Variants in MLLT10 observed in about 807,000 individuals in gnomAD.
The protein encoded by MLLT10 is MLLT10 histone lysine methyltransferase DOT1L cofactor, also known as protein AF-10.
MLLT10 carries 30 observed loss-of-function variants against 129.1 expected under a neutral mutation model. The observed-to-expected ratio is 0.23, with a 90% CI of 0.17 to 0.32. The LOEUF (loss-of-function observed/expected upper bound fraction) is 0.32. Ranked by LOEUF, MLLT10 falls within the 10% of genes least tolerant of loss-of-function variation. MLLT10 has a pLI of 1.00. For synonymous variants in MLLT10, 490 were observed against 446.4 expected (o/e 1.10, Z -1.23); for missense variants, 1,119 against 1,268.3 (o/e 0.88, Z 1.79).
chr10:21,629,119 G>A (rs1554824169), intron 8 of MLLT10, among the ~76,000 whole-genome samples: 1 of 150,982 alleles, frequency 6.6e-6, no homozygotes, highest in Admixed American at 6.6e-5. Flanking sequence ...TTTGCTGCAT[G>A]AATTTTTTCT....
At chr10:21,738,378 TTAA>T (rs1193579384) in intron 21 of MLLT10, 1 of 1,283,376 alleles carries the variant, frequency 7.8e-7, no homozygotes, top group Non-Finnish European at 1.0e-6. Flanking sequence ...TGTCTTCCTA[TTAA>T]TCAAGATTTT....
chr10:21,714,483 C>A (rs1015895928), intron 14 of MLLT10, among the ~76,000 whole-genome samples: 1 of 152,150 alleles, frequency 6.6e-6, no homozygotes, highest in African/African-American at 2.4e-5. Context: ...TTGTGTACCC[C>A]TTTTATCTGA....
In MLLT10 at chr10:21,673,544, A is replaced by G. The variant is rs780042541; in HGVS notation, c.1246A>G (p.Thr416Ala). The G allele has an allele frequency of 1.2e-6, 2 of 1,613,214 alleles. No individual in the cohort carries two copies. The highest frequency in any genetic ancestry group is 1.1e-5 in the South Asian group (1 of 90,922). ...SQEGGVNSFS[T>A]LIGLPSTSAV... ...GGAAGGGGGGGTAAATAGTTTTAGTACCTTAATTGGCCTCCCTTCAACCTC... is the reference window on the plus strand; with the variant it reads ...GGAAGGGGGGGTAAATAGTTTTAGTGCCTTAATTGGCCTCCCTTCAACCTC... Residue 416 changes from threonine (T) to alanine (A), a missense_variant, in exon 11 of 23, where the codon ACC becomes GCC. By Grantham distance (58) the Thr-to-Ala change is moderately conservative. Around this residue, in one of 5 missense-constraint regions of MLLT10, gnomAD observed 1,004 missense variants for 1,008.7 expected, o/e 1.00. Transcript: ENST00000307729.
At chr10:21,736,694 A>C (rs192528997) in intron 21 of MLLT10, among the ~76,000 whole-genome samples, 3 of 152,166 alleles carry the variant, frequency 2.0e-5, no homozygotes, top group Non-Finnish European at 4.4e-5. Flanking sequence ...ACAGAACCCA[A>C]CCAATTTTGG....
intron 21 of MLLT10, among the ~76,000 whole-genome samples, chr10:21,737,442 G>C (rs2058465803): frequency 6.6e-6 from 1 of 152,128 alleles, no homozygotes. Flanking sequence ...ACATTGCTGG[G>C]ATAGGAGAGA....
At chr10:21,596,612 A>G (rs1240056217) in intron 5 of MLLT10, among the ~76,000 whole-genome samples, 1 of 152,052 alleles carries the variant, frequency 6.6e-6, no homozygotes, top group Non-Finnish European at 1.5e-5. Flanking sequence ...TTACCCTTAA[A>G]AAACTTTGCT....
chr10:21,555,673 C>CA (rs142353549), intron 3 of MLLT10, among the ~76,000 whole-genome samples: 27,188 of 142,368 alleles, frequency 0.19, 2,863 homozygotes, highest in East Asian at 0.29. Context: ...AAATGTAAGA[C>CA]AATTTTTTTT....
At chr10:21,648,195 G>A (rs1010903888) in intron 8 of MLLT10, among the ~76,000 whole-genome samples, 2 of 152,030 alleles carry the variant, frequency 1.3e-5, no homozygotes, top group Non-Finnish European at 2.9e-5. Context: ...TATGTTTTTA[G>A]TGACAGTCAT....
chr10:21,665,763 C>G (rs1421785431), intron 9 of MLLT10, among the ~76,000 whole-genome samples: 1 of 151,626 alleles, frequency 6.6e-6, no homozygotes, highest in Non-Finnish European at 1.5e-5. Context: ...GGGTCTTGCT[C>G]TGTCTCCCAG....
rs1435616658 is a variant in MLLT10 at position 21,731,010 on chromosome 10, G to A, written c.2174G>A (p.Ser725Asn). Residue 725 changes from serine to asparagine, a missense_variant, in exon 17 of 23, where the codon AGT becomes AAT. Ser to Asn is a conservative substitution (Grantham distance 46). Coordinates refer to ENST00000307729, the MANE Select transcript of MLLT10 (RefSeq NM_001195626.3). ...SIEQLLERQW[S>N]EGQQFLLEQG... ...GAACAGCTTTTGGAGAGGCAGTGGA[G>A]TGAAGGACAGCAATTTTTACTAGAA... is the stretch of plus-strand genomic sequence containing the variant. The A allele has an allele frequency of 6.2e-7, 1 of 1,613,868 alleles. No individual in the cohort carries two copies. The highest frequency in any genetic ancestry group is 1.3e-5 in the African/African-American group (1 of 74,936).
At chr10:21,573,824 G>A (rs568188398) in intron 3 of MLLT10, among the ~76,000 whole-genome samples, 1 of 151,950 alleles carries the variant, frequency 6.6e-6, no homozygotes, top group East Asian at 1.9e-4. Flanking sequence ...GAAAGTGCTG[G>A]GATTACTTTC....
chr10:21,572,909 C>T (rs2040362669), intron 3 of MLLT10, among the ~76,000 whole-genome samples: 1 of 151,938 alleles, frequency 6.6e-6, no homozygotes, highest in South Asian at 2.1e-4. Flanking sequence ...CCACGCCTGG[C>T]CTAAAATTAT....
At chr10:21,644,045 TGTA>T (rs1416283489) in intron 8 of MLLT10, among the ~76,000 whole-genome samples, 1 of 152,234 alleles carries the variant, frequency 6.6e-6, no homozygotes, top group Non-Finnish European at 1.5e-5. Context: ...TTACTAATTC[TGTA>T]ATGATACCGT....
At chr10:21,707,536 C>T (rs1215364362) in intron 13 of MLLT10, among the ~76,000 whole-genome samples, 2 of 152,118 alleles carry the variant, frequency 1.3e-5, no homozygotes, top group African/African-American at 2.4e-5. Context: ...AGTCCTTGTC[C>T]GTGTTCAGTA....
intron 3 of MLLT10, among the ~76,000 whole-genome samples, chr10:21,560,342 C>G (rs997475992): frequency 2.0e-5 from 3 of 152,178 alleles, no homozygotes; most frequent in Non-Finnish European, 2.9e-5. Context: ...TTCACAGAGA[C>G]TTCAGCTTTT....
At chr10:21,713,612 G>A (rs1469269604) in intron 13 of MLLT10, among the ~76,000 whole-genome samples, 160 bp from the exon 14 acceptor site, 2 of 152,136 alleles carry the variant, frequency 1.3e-5, no homozygotes, top group East Asian at 3.8e-4. Context: ...AGAAGTCAGT[G>A]TTTATTTGTT....
intron 7 of MLLT10, among the ~76,000 whole-genome samples, 192 bp downstream of exon 7, chr10:21,615,116 G>A (rs1029787472): frequency 1.4e-4 from 22 of 151,846 alleles, no homozygotes; most frequent in Admixed American, 1.1e-3. Flanking sequence ...TGCTTGCTTC[G>A]GTGTATTTGT....
At chr10:21,583,214 T>C (rs1490431008) in intron 3 of MLLT10, among the ~76,000 whole-genome samples, 1 of 152,170 alleles carries the variant, frequency 6.6e-6, no homozygotes. Context: ...TAGAGTTTTA[T>C]ACCTGAACCT....
chr10:21,726,493 T>C (rs541786359), intron 15 of MLLT10, 138 bp downstream of exon 15: 2 of 518,846 alleles, frequency 3.9e-6, no homozygotes, highest in African/African-American at 3.9e-5. Context: ...ATATTCACAG[T>C]TGGAAAATGT....
Sources: gnomAD v4.1 joint callset for allele counts (sites outside exome capture counted in the v4.1 genomes callset) on GRCh38, gnomAD v4.1.1 for gene constraint, gnomAD v4.1.1 regional missense constraint, MANE v1.5 for transcripts, NCBI Gene and HGNC (gene_info 2026-07-23, HGNC 2026-07-21) for gene names.